OLFM2: variants seen among roughly 807,000 people sequenced by gnomAD.
The protein encoded by OLFM2 is olfactomedin 2.
In OLFM2, 20 loss-of-function variants were observed where a neutral mutation model predicts 43.9. That is an observed-to-expected ratio of 0.46 (90% CI 0.32 to 0.66). OLFM2 has a LOEUF of 0.66. Ranked by LOEUF, OLFM2 falls within the 30% of genes least tolerant of loss-of-function variation. The pLI is 0.04. For missense variants in OLFM2, 416 were observed against 643.6 expected, an observed-to-expected ratio of 0.65 and a Z score of 3.83; for synonymous variants, 268 against 278.6, an observed-to-expected ratio of 0.96 and a Z score of 0.38.
rs530204030 is a variant in OLFM2, at chr19:9,926,827, C to CA, written c.63+9476dup. On this transcript the variant is annotated intron_variant, in intron 1 of 5. Transcript: ENST00000264833. ...AGACCCTGTCACTACAAAAAATAAA[C>CA]AAAAAAAATTATGTGGGCATGGTGG... Among the ~76,000 whole-genome samples the CA allele has an allele frequency of 5.0e-3, 751 of 151,032 alleles. 12 individuals are homozygous for CA. The highest frequency in any genetic ancestry group is 0.018 in the African/African-American group (726 of 41,180).
intron 1 of OLFM2, among the ~76,000 whole-genome samples, chr19:9,881,536 G>GTGTCA (rs1165539708): frequency 6.6e-6 from 1 of 152,140 alleles, no homozygotes; most frequent in Non-Finnish European, 1.5e-5. Flanking sequence ...AGAAGTCGAG[G>GTGTCA]TGTCAGCAGG....
chr19:9,874,242 G>T (rs2046467143), intron 1 of OLFM2, among the ~76,000 whole-genome samples: 1 of 151,462 alleles, frequency 6.6e-6, no homozygotes, highest in African/African-American at 2.4e-5. Context: ...GACTTATCTG[G>T]TCTATGACGT....
At chr19:9,927,108 C>A (rs747596748) in intron 1 of OLFM2, among the ~76,000 whole-genome samples, 2 of 152,016 alleles carry the variant, frequency 1.3e-5, no homozygotes, top group African/African-American at 2.4e-5. Flanking sequence ...ATGGTGAAAT[C>A]CTGTCTCTAC....
At chr19:9,896,547 C>G (rs112103966) in intron 1 of OLFM2, among the ~76,000 whole-genome samples, 1 of 152,200 alleles carries the variant, frequency 6.6e-6, no homozygotes, top group Admixed American at 6.5e-5. Flanking sequence ...TAGGTGTGAG[C>G]CACCACCTCA....
intron 1 of OLFM2, among the ~76,000 whole-genome samples, chr19:9,909,360 G>A (rs1462693091): frequency 1.3e-5 from 2 of 152,134 alleles, no homozygotes; most frequent in East Asian, 1.9e-4. Flanking sequence ...TCTTAGTCTG[G>A]TCCTGGATTT....
intron 1 of OLFM2, among the ~76,000 whole-genome samples, chr19:9,927,261 G>A (rs1416483525): frequency 6.6e-5 from 10 of 151,754 alleles, no homozygotes; most frequent in East Asian, 3.9e-4. Context: ...CAGCCTGGGC[G>A]ACAGAGCGAG....
chr19:9,912,243 C>T (rs2046832910), intron 1 of OLFM2, among the ~76,000 whole-genome samples: 1 of 152,178 alleles, frequency 6.6e-6, no homozygotes, highest in South Asian at 2.1e-4. Context: ...AGCCTGAAAG[C>T]TCTCACCTGT....
chr19:9,932,199 C>T (rs1045486538), intron 1 of OLFM2, among the ~76,000 whole-genome samples: 2 of 124,908 alleles, frequency 1.6e-5, no homozygotes, highest in Non-Finnish European at 3.8e-5. Context: ...GTGGCTCATG[C>T]CTATAATCCC....
rs552821164 is a variant in OLFM2, at chr19:9,889,919, A to C, written c.64-29125T>G. Among the ~76,000 whole-genome samples, 4 of 130,458 alleles carry C rather than the reference A, an allele frequency of 3.1e-5. No individual in the cohort carries two copies. In the South Asian group the frequency reaches 8.0e-4, roughly 26 times the overall value. The allele number at this position is 130,458 out of a possible 152,430, so 85.6% of individuals were successfully genotyped here. Reference sequence around the variant, plus strand: ...AGACGAATCCTGGTTCATAAATTCCAATTTTTTTTTTTTTATATCTGCCTC... The same window carrying C: ...AGACGAATCCTGGTTCATAAATTCCCATTTTTTTTTTTTTATATCTGCCTC... On this transcript the variant is annotated intron_variant, in intron 1 of 5. Coordinates refer to ENST00000264833, the MANE Select transcript of OLFM2 (RefSeq NM_058164.4).
At chr19:9,869,071 A>G (rs981219425) in intron 1 of OLFM2, among the ~76,000 whole-genome samples, 1 of 151,934 alleles carries the variant, frequency 6.6e-6, no homozygotes, top group African/African-American at 2.4e-5. Flanking sequence ...CATCCCTTAA[A>G]AACCTGAACA....
chr19:9,907,708 A>G (rs566685467), intron 1 of OLFM2, among the ~76,000 whole-genome samples: 9 of 152,004 alleles, frequency 5.9e-5, no homozygotes, highest in Admixed American at 2.6e-4. Flanking sequence ...GAATGAGATA[A>G]AGAGACAGAT....
At chr19:9,922,765 G>T (rs1359706471) in intron 1 of OLFM2, among the ~76,000 whole-genome samples, 1 of 151,550 alleles carries the variant, frequency 6.6e-6, no homozygotes, top group South Asian at 2.1e-4. Context: ...AAAAAAATTC[G>T]CCAGGAGTGG....
At chr19:9,912,846 G>C (rs2046838287) in intron 1 of OLFM2, among the ~76,000 whole-genome samples, 1 of 151,802 alleles carries the variant, frequency 6.6e-6, no homozygotes, top group Non-Finnish European at 1.5e-5. Context: ...TGGCGGAAGG[G>C]GTGCAGGGGA....
intron 1 of OLFM2, among the ~76,000 whole-genome samples, chr19:9,923,459 T>C (rs1346318811): frequency 2.0e-5 from 3 of 149,976 alleles, no homozygotes; most frequent in African/African-American, 7.4e-5. Context: ...GGGAAGCTGA[T>C]GCACAAGAAT....
At chr19:9,898,059 T>C (rs62104296) in intron 1 of OLFM2, among the ~76,000 whole-genome samples, 14,484 of 142,862 alleles carry the variant, frequency 0.1, 810 homozygotes, top group African/African-American at 0.15. Context: ...TGCATGCTAC[T>C]GTGCCCAGCT....
chr19:9,871,396 C>T (rs1339326727), intron 1 of OLFM2, among the ~76,000 whole-genome samples: 1 of 151,884 alleles, frequency 6.6e-6, no homozygotes, highest in Non-Finnish European at 1.5e-5. Context: ...CATGGTGAAA[C>T]TCCGTCTCTA....
chr19:9,915,224 TTTTC>T (rs1282542489), intron 1 of OLFM2, among the ~76,000 whole-genome samples: 1 of 137,838 alleles, frequency 7.3e-6, no homozygotes, highest in Admixed American at 8.1e-5. Flanking sequence ...TGAATATTCT[TTTTC>T]TTTTCTCTCT....
At chr19:9,931,088 G>A (rs1179870929) in intron 1 of OLFM2, among the ~76,000 whole-genome samples, 2 of 151,884 alleles carry the variant, frequency 1.3e-5, no homozygotes, top group East Asian at 1.9e-4. Flanking sequence ...CAGCCCCAAG[G>A]GGCTCTTTCC....
intron 1 of OLFM2, chr19:9,913,733 C>A (rs1485209992): frequency 9.1e-6 from 9 of 992,732 alleles, no homozygotes; most frequent in Non-Finnish European, 1.1e-5. Context: ...GGAGGGGGCA[C>A]GAGCGCGAGC....
Sources: allele counts gnomAD v4.1 joint callset (sites outside exome capture counted in the v4.1 genomes callset), GRCh38; gene constraint gnomAD v4.1.1; transcripts MANE v1.5; gene names NCBI Gene and HGNC (gene_info 2026-07-23, HGNC 2026-07-21).